The following SCLY variants were observed in gnomAD, a reference collection of about 807,000 sequenced individuals.
SCLY encodes the protein selenocysteine lyase, also known as putative selenocysteine lyase.
Under a neutral mutation model 50.1 loss-of-function variants are expected in SCLY, and 38 were observed. The ratio of observed to expected loss-of-function variants is 0.76; its 90% confidence interval spans 0.59 to 0.99. The LOEUF (loss-of-function observed/expected upper bound fraction) is 0.99, where lower values mean the gene tolerates loss of function less well. Among genes scored for constraint, SCLY ranks in the 50% least tolerant of loss-of-function variants. The probability of loss-of-function intolerance (pLI) is 0.00; values close to 1 mark genes in which losing one functional copy is unlikely to be tolerated. For synonymous variants in SCLY, 243 were observed against 249.4 expected (o/e 0.97, Z 0.24); for missense variants, 600 against 620.0 (o/e 0.97, Z 0.34).
At chr2:238,075,045 G>GT (rs1179047545) in intron 4 of SCLY, among the ~76,000 whole-genome samples, 1 of 152,172 alleles carries the variant, frequency 6.6e-6, no homozygotes, top group Non-Finnish European at 1.5e-5. Flanking sequence ...TTAGCTGTGG[G>GT]TTTTTTATAG....
chr2:238,069,393 G>A lies in SCLY; in HGVS notation c.400G>A (p.Ala134Thr), dbSNP rs151039832. 6.5e-5 allele frequency: 105 copies of A among 1,614,060 alleles called. No individual in the cohort carries two copies. The East Asian group carries it at 2.3e-3, about 35-fold the overall frequency. ...TGGGCACCACAGCCCAGTGAAGGGGGCCAAGCCCCATTTCATTACTTCCTC... is the reference window on the plus strand; with the variant it reads ...TGGGCACCACAGCCCAGTGAAGGGGACCAAGCCCCATTTCATTACTTCCTC... ...TGGHHSPVKGAKPHFITSSVE... is the reference protein window; with the variant it reads ...TGGHHSPVKGTKPHFITSSVE... The change falls in exon 4 of 12, where the codon GCC (alanine) becomes ACC (threonine). Residue 134 changes from alanine (A) to threonine (T), a missense_variant. Ala to Thr is a moderately conservative substitution (Grantham distance 58). Transcript: ENST00000254663. This position sits in a 1 kb window ranked among gnomAD's most constrained non-coding sequence, Gnocchi z 5.0.
rs1385529219 is a variant in SCLY, at chr2:238,061,066, CGT to C, written c.14_15del (p.Val5GlyfsTer32). The C allele has an allele frequency of 9.4e-6, 13 of 1,389,530 alleles. No homozygotes were observed. In the South Asian group the frequency reaches 1.6e-4, roughly 17 times the overall value. The allele number at this position is 1,389,530 out of a possible 1,614,324, so 86.1% of individuals were successfully genotyped here. On this transcript the variant is annotated frameshift_variant, in exon 1 of 12. Coordinates refer to ENST00000254663, the MANE Select transcript of SCLY (RefSeq NM_016510.7). LOFTEE classifies it high-confidence loss of function. MEAA[V>X]APGRDAPAPA... ...GCAGTGGGGCGGGGATGGAGGCGGC[CGT>C]GGCGCCGGGGAGGGATGCGCCGGCA... is the stretch of plus-strand genomic sequence containing the variant.
chr2:238,094,083 G>A (rs1354351759), intron 9 of SCLY, 139 bp downstream of exon 9: 7 of 783,356 alleles, frequency 8.9e-6, no homozygotes, highest in Non-Finnish European at 1.5e-5. Context: ...ATGCAGTGAG[G>A]GAAGAAAGAA....
intron 8 of SCLY, chr2:238,091,544 GTT>G: frequency 2.2e-4 from 91 of 413,278 alleles, no homozygotes; most frequent in South Asian, 4.8e-4. Flanking sequence ...CAAGCTGCAG[GTT>G]CACCATTCCC....
chr2:238,096,484 G>A (rs1032177843), intron 10 of SCLY, among the ~76,000 whole-genome samples: 1 of 152,240 alleles, frequency 6.6e-6, no homozygotes, highest in Non-Finnish European at 1.5e-5. Flanking sequence ...TGATATTGCC[G>A]GGGCTGCCAG....
At position 238,098,568 on chromosome 2, in the gene SCLY, T is replaced by A. The variant is rs36131256; in HGVS notation, c.*213T>A. On this transcript the variant is annotated 3_prime_UTR_variant, in exon 12 of 12. Transcript: ENST00000254663. The stretch of plus-strand genomic sequence containing the variant: ...CCAGGACACCAACGCCGCATAGGAC[T>A]GCCCACATGGGACCGCCCACATAGG... 1.3e-5 allele frequency: 5 copies of A among 389,734 alleles called. 2 individuals carry two copies. The South Asian group carries it at 3.2e-4, about 25-fold the overall frequency. The allele number at this position is 389,734 out of a possible 1,614,324, so 24.1% of individuals were successfully genotyped here.
chr2:238,089,796 A>T (rs2065343456), intron 7 of SCLY, among the ~76,000 whole-genome samples: 1 of 152,178 alleles, frequency 6.6e-6, no homozygotes, highest in East Asian at 1.9e-4. Flanking sequence ...TAGATCTTGA[A>T]ATTAAATGTA....
At chr2:238,065,561 G>GT (rs1290156869) in intron 2 of SCLY, among the ~76,000 whole-genome samples, 1 of 150,758 alleles carries the variant, frequency 6.6e-6, no homozygotes, top group Non-Finnish European at 1.5e-5. Flanking sequence ...AGTTCACTTT[G>GT]TGTTGCTACT....
chr2:238,091,556 CAAA>C, intron 8 of SCLY: 1 of 349,158 alleles, frequency 2.9e-6, no homozygotes, highest in Non-Finnish European at 5.4e-6. Flanking sequence ...TCACCATTCC[CAAA>C]GGCGTCGGCA....
rs1559253867 is a variant in SCLY at position 238,098,250 on chromosome 2, GA to G, written c.1235del (p.Asn412ThrfsTer23). 3.7e-6 allele frequency: 6 copies of G among 1,610,834 alleles called. No individual in the cohort carries two copies. The highest frequency in any genetic ancestry group is 5.1e-6 in the Non-Finnish European group (6 of 1,179,686). On this transcript the variant is annotated frameshift_variant, in exon 12 of 12. Coordinates refer to ENST00000254663, the MANE Select transcript of SCLY (RefSeq NM_016510.7). LOFTEE classifies it high-confidence loss of function. ...ACGGTGTCCCCTTCGACGTGGCCAG[GA>G]ACGCGCTCCGGCTCAGCGTGGGCCG... Reference protein sequence around the residue: ...SYGVPFDVARNALRLSVGRST... With the variant: ...SYGVPFDVARXALRLSVGRST...
rs1393055835 is a variant in SCLY, at chr2:238,066,567, A to G, written c.203-1498A>G. On this transcript the variant is annotated intron_variant, in intron 2 of 11. Transcript: ENST00000254663. This position sits in a 1 kb window ranked among gnomAD's most constrained non-coding sequence, Gnocchi z 4.1. ...TGGGGGCCTGCTAGGAGAACATCACAGCAGTGGCCTTGGCTTGGTTGGTGG... is the reference window on the plus strand; with the variant it reads ...TGGGGGCCTGCTAGGAGAACATCACGGCAGTGGCCTTGGCTTGGTTGGTGG... Among the ~76,000 whole-genome samples, 1 of 152,220 alleles carries G rather than the reference A, an allele frequency of 6.6e-6. No individual in the cohort carries two copies. Among genetic ancestry groups the G allele is most frequent in the African/African-American group, 2.4e-5 (1 of 41,460 alleles).
intron 11 of SCLY, among the ~76,000 whole-genome samples, chr2:238,097,807 G>A (rs1231787045): frequency 6.6e-6 from 1 of 152,150 alleles, no homozygotes; most frequent in African/African-American, 2.4e-5. Flanking sequence ...AAAGCCCCAT[G>A]CTAGGTGCCA....
At chr2:238,079,748 G>A (rs2065216578) in intron 4 of SCLY, 1 of 152,116 alleles carries the variant, frequency 6.6e-6, no homozygotes, top group African/African-American at 2.4e-5. Context: ...ATTATCATGT[G>A]TCTGGGAGTG....
At chr2:238,076,059 T>C (rs1209467880) in intron 4 of SCLY, among the ~76,000 whole-genome samples, 1 of 151,506 alleles carries the variant, frequency 6.6e-6, no homozygotes, top group Non-Finnish European at 1.5e-5. Flanking sequence ...TTTTTTTTTT[T>C]TTTTACAGTG....
At position 238,099,383 on chromosome 2, in the gene SCLY, A is replaced by T. The variant is rs1040764426; in HGVS notation, c.*1028A>T. On this transcript the variant is annotated 3_prime_UTR_variant, in exon 12 of 12. Transcript: ENST00000254663. ...TTTGAGGAAACACTTGCCAGAAACT[A>T]AATTAACGAATAAAAGATTTCAGTG... 1 of 465,332 alleles carries T rather than the reference A, an allele frequency of 2.1e-6. No individual in the cohort carries two copies. The highest frequency in any genetic ancestry group is 4.5e-6 in the Non-Finnish European group (1 of 224,306). The allele number at this position is 465,332 out of a possible 1,614,324, so 28.8% of individuals were successfully genotyped here.
At chr2:238,093,126 C>T (rs568232482) in intron 8 of SCLY, 2 of 152,882 alleles carry the variant, frequency 1.3e-5, no homozygotes, top group South Asian at 4.1e-4. Context: ...CAATGCAGCA[C>T]CTTCCTGTCT....
intron 4 of SCLY, chr2:238,079,194 C>T (rs976708715): frequency 6.6e-6 from 1 of 151,466 alleles, no homozygotes; most frequent in Admixed American, 6.6e-5. Context: ...TCCACCTCAG[C>T]TGCCCTAGTA....
At chr2:238,082,939 C>A in intron 6 of SCLY, 4 of 331,288 alleles carry the variant, frequency 1.2e-5, no homozygotes, top group Middle Eastern at 9.7e-4. Context: ...TTTTTTAAAC[C>A]TGTGATTCAT....
intron 4 of SCLY, chr2:238,079,062 C>CTTTTTTTTT: frequency 8.2e-6 from 1 of 121,306 alleles, no homozygotes; most frequent in Non-Finnish European, 1.6e-5. Context: ...TTCTTTCTTT[C>CTTTTTTTTT]TTTTTCTTTT....
Sources: gnomAD v4.1 joint callset for allele counts (sites outside exome capture counted in the v4.1 genomes callset) on GRCh38, gnomAD v4.1.1 for gene constraint, Gnocchi (gnomAD v3.1) non-coding constraint, MANE v1.5 for transcripts, NCBI Gene and HGNC (gene_info 2026-07-23, HGNC 2026-07-21) for gene names.